The following ZMYM2 variants were observed in gnomAD, a reference collection of about 807,000 sequenced individuals.
ZMYM2 encodes zinc finger MYM-type protein 2.
In ZMYM2, 56 loss-of-function variants were observed where a neutral mutation model predicts 162.8. The observed-to-expected ratio is 0.34, with a 90% CI of 0.28 to 0.43. The LOEUF (loss-of-function observed/expected upper bound fraction) is 0.43. Among genes scored for constraint, ZMYM2 ranks in the 20% least tolerant of loss-of-function variants. The pLI is 1.00. For missense variants in ZMYM2, 1,275 were observed against 1,621.8 expected (o/e 0.79, Z 3.67); for synonymous variants, 510 against 541.6 (o/e 0.94, Z 0.81).
At chr13:19,884,787 G>A in the ZMYM2 span, among the ~76,000 whole-genome samples, 5 of 152,024 alleles carry the variant, frequency 3.3e-5, no homozygotes, top group African/African-American at 2.4e-5. Context: ...CCCCAAGACA[G>A]AAAAACAAAA....
At chr13:20,068,951 CAT>C (rs923056388) in intron 21 of ZMYM2, among the ~76,000 whole-genome samples, 1 of 151,972 alleles carries the variant, frequency 6.6e-6, no homozygotes, top group Non-Finnish European at 1.5e-5. Flanking sequence ...GGCTTAAAAA[CAT>C]ATTTAGATAA....
intron 9 of ZMYM2, chr13:20,027,861 A>G (rs1952725787): frequency 6.1e-6 from 1 of 163,796 alleles, no homozygotes; most frequent in Admixed American, 6.4e-5. Flanking sequence ...TAGTCTCAGA[A>G]GATAGATTCT....
At position 20,086,082 on chromosome 13, in the gene ZMYM2, T is replaced by G. The variant is rs923102024; in HGVS notation, c.*68T>G. On this transcript the variant is annotated 3_prime_UTR_variant, in exon 25 of 25. Coordinates refer to ENST00000610343, the MANE Select transcript of ZMYM2 (RefSeq NM_197968.4). Reference sequence around the variant, plus strand: ...TAGTCATGCTGCTAGATCTTTATTATGGAAAACATTTCAAGTTTACTCCTT... The same window carrying G: ...TAGTCATGCTGCTAGATCTTTATTAGGGAAAACATTTCAAGTTTACTCCTT... 6.7e-7 allele frequency: 1 copy of G among 1,492,906 alleles called. No homozygotes were observed. The highest frequency in any genetic ancestry group is 1.4e-5 in the African/African-American group (1 of 71,914). 92.5% of individuals were successfully genotyped at this position (1,492,906 alleles called of 1,614,324 possible).
At chr13:19,963,412 G>A (rs1009687432) in intron 2 of ZMYM2, among the ~76,000 whole-genome samples, 2 of 152,164 alleles carry the variant, frequency 1.3e-5, no homozygotes, top group African/African-American at 4.8e-5. Context: ...TTGTCAATGA[G>A]AAAAATTGCT....
intron 9 of ZMYM2, among the ~76,000 whole-genome samples, chr13:20,030,970 TTTAA>T (rs1953073794): frequency 6.6e-6 from 1 of 152,210 alleles, no homozygotes; most frequent in Non-Finnish European, 1.5e-5. Context: ...TTTTTGTTTT[TTTAA>T]ACTTCTGTTA....
At chr13:20,066,035 A>G (rs1956647610) in intron 19 of ZMYM2, among the ~76,000 whole-genome samples, 1 of 152,206 alleles carries the variant, frequency 6.6e-6, no homozygotes, top group South Asian at 2.1e-4. Flanking sequence ...CTCACCACAG[A>G]ATTTAATATG....
At chr13:19,899,102 G>A in the ZMYM2 span, among the ~76,000 whole-genome samples, 1 of 151,870 alleles carries the variant, frequency 6.6e-6, no homozygotes, top group Non-Finnish European at 1.5e-5. Flanking sequence ...ACAGGCGCGT[G>A]CCACCACACG....
chr13:20,076,618 C>T (rs917072588), intron 21 of ZMYM2, among the ~76,000 whole-genome samples: 3 of 146,794 alleles, frequency 2.0e-5, no homozygotes, highest in African/African-American at 7.7e-5. Flanking sequence ...TTATTTTTTA[C>T]TTTCTACATG....
chr13:19,991,052 GTGTGTGTGTGTGTACGTATGTATTTTC>G (rs142171551), intron 2 of ZMYM2, among the ~76,000 whole-genome samples: 38,652 of 140,898 alleles, frequency 0.27, 5,582 homozygotes, highest in Non-Finnish European at 0.37. Context: ...TTCTCTCTGT[GTGTGTGTGTGTGTACGTATGTATTTTC>G]TGTGTGTGTG....
At chr13:19,968,516 C>A (rs1956013024) in intron 2 of ZMYM2, among the ~76,000 whole-genome samples, 1 of 152,180 alleles carries the variant, frequency 6.6e-6, no homozygotes. Flanking sequence ...CCCACCTTGG[C>A]CTCCCAAAGT....
the ZMYM2 span, among the ~76,000 whole-genome samples, chr13:19,894,588 AC>A: frequency 6.6e-6 from 1 of 151,998 alleles, no homozygotes; most frequent in African/African-American, 2.4e-5. Flanking sequence ...CAAGTGATCC[AC>A]CTGCCTTGGC....
chr13:19,957,614 T>A (rs1417432674), upstream of ZMYM2, among the ~76,000 whole-genome samples: 1 of 152,156 alleles, frequency 6.6e-6, no homozygotes, highest in East Asian at 1.9e-4. Context: ...CCGCAGCGAG[T>A]GCGCCCCGCG....
At chr13:20,026,841 T>C in intron 8 of ZMYM2, 79 bp downstream of exon 8, 1 of 1,408,322 alleles carries the variant, frequency 7.1e-7, no homozygotes, top group East Asian at 2.6e-5. Flanking sequence ...TTGATGTTTT[T>C]ATGCTTGTTT....
intron 3 of ZMYM2, among the ~76,000 whole-genome samples, chr13:19,996,107 A>G (rs1052493390): frequency 6.6e-6 from 1 of 151,962 alleles, no homozygotes; most frequent in South Asian, 2.1e-4. Context: ...TCTCTCTCAC[A>G]TGCCTCTCTC....
At chr13:20,075,512 G>A (rs866219148) in intron 21 of ZMYM2, among the ~76,000 whole-genome samples, 57 of 152,072 alleles carry the variant, frequency 3.7e-4, no homozygotes, top group South Asian at 2.1e-3. Flanking sequence ...ATTGTTAAAT[G>A]TTCACATAAT....
intron 2 of ZMYM2, among the ~76,000 whole-genome samples, chr13:19,976,326 CAAA>C (rs1180338588): frequency 3.9e-5 from 4 of 103,418 alleles, no homozygotes; most frequent in African/African-American, 3.3e-5. Flanking sequence ...GACTGCACCT[CAAA>C]AAAAAAAAAA....
the ZMYM2 span, among the ~76,000 whole-genome samples, chr13:19,936,418 A>AT: frequency 6.6e-6 from 1 of 152,090 alleles, no homozygotes; most frequent in South Asian, 2.1e-4. Flanking sequence ...GAGGTACGTA[A>AT]TTTTTTCAAA....
the ZMYM2 span, among the ~76,000 whole-genome samples, chr13:19,878,178 G>A: frequency 2.8e-3 from 417 of 151,596 alleles, 8 homozygotes; most frequent in South Asian, 0.037. Context: ...TCAGCTGCCC[G>A]AGTAGCTGGG....
At chr13:20,037,149 A>G (rs550066882) in intron 12 of ZMYM2, among the ~76,000 whole-genome samples, 2 of 150,554 alleles carry the variant, frequency 1.3e-5, no homozygotes, top group Non-Finnish European at 1.5e-5. Context: ...TATTTTCAGC[A>G]TTGTAGTTTA....
Sources: allele counts gnomAD v4.1 joint callset (sites outside exome capture counted in the v4.1 genomes callset), GRCh38; gene constraint gnomAD v4.1.1; transcripts MANE v1.5; gene names NCBI Gene and HGNC (gene_info 2026-07-23, HGNC 2026-07-21).